The following ULK4 variants were observed in gnomAD, a reference collection of about 807,000 sequenced individuals.
ULK4 encodes the protein unc-51 like kinase 4, also known as inactive serine/threonine-protein kinase ULK4.
ULK4 carries 133 observed loss-of-function variants against 160.6 expected under a neutral mutation model. That is an observed-to-expected ratio of 0.83 (90% CI 0.72 to 0.96). The LOEUF (loss-of-function observed/expected upper bound fraction) is 0.96, where lower values mean the gene tolerates loss of function less well. Among genes scored for constraint, ULK4 ranks in the 40% least tolerant of loss-of-function variants. The probability of loss-of-function intolerance (pLI) is 0.00; values close to 1 mark genes in which losing one functional copy is unlikely to be tolerated. For missense variants in ULK4, 1,580 were observed against 1,499.5 expected, an observed-to-expected ratio of 1.05 and a Z score of -0.89; for synonymous variants, 534 against 539.8, an observed-to-expected ratio of 0.99 and a Z score of 0.15.
rs1197234650 is a variant in ULK4, at chr3:41,348,206, C to CAAAA, written c.3678+49869_3678+49872dup. On this transcript the variant is annotated intron_variant, in intron 35 of 36. Transcript: ENST00000301831. ...CCTAGGCAAAAAAGTAACTCTGTCT[C>CAAAA]AAAAAAAAAAAAAAAAAAAAAAAAA... Among the ~76,000 whole-genome samples, 7 of 22,964 alleles carry CAAAA rather than the reference C, an allele frequency of 3.0e-4. 1 individual carries two copies. Among genetic ancestry groups the CAAAA allele is most frequent in the East Asian group, 1.4e-3 (1 of 716 alleles). The allele number at this position is 22,964 out of a possible 152,430, so 15.1% of individuals were successfully genotyped here.
At chr3:41,913,113 T>G (rs752189625) in intron 8 of ULK4, 13 of 439,838 alleles carry the variant, frequency 3.0e-5, no homozygotes, top group Non-Finnish European at 4.8e-5. Flanking sequence ...TGGTACAGAA[T>G]GAAACAGTCT....
chr3:41,565,468 C>T (rs1414335193), intron 32 of ULK4, among the ~76,000 whole-genome samples: 1 of 152,112 alleles, frequency 6.6e-6, no homozygotes, highest in Admixed American at 6.5e-5. Context: ...GAGGTGAGAA[C>T]TCTGAGAAGT....
chr3:41,583,108 TG>T (rs1189975500), intron 31 of ULK4, among the ~76,000 whole-genome samples: 1 of 152,214 alleles, frequency 6.6e-6, no homozygotes, highest in East Asian at 1.9e-4. Context: ...TAGCTATTTT[TG>T]TTTTTTAATG....
intron 34 of ULK4, among the ~76,000 whole-genome samples, chr3:41,431,182 T>A (rs1329135464): frequency 6.6e-6 from 1 of 152,014 alleles, no homozygotes; most frequent in Non-Finnish European, 1.5e-5. Flanking sequence ...ACTTCGTCTC[T>A]ACTAAAAATA....
At chr3:41,445,229 C>G (rs1189416901) in intron 34 of ULK4, among the ~76,000 whole-genome samples, 1 of 152,090 alleles carries the variant, frequency 6.6e-6, no homozygotes, top group Non-Finnish European at 1.5e-5. Flanking sequence ...AAAAAGGATA[C>G]AAACAAATGG....
intron 8 of ULK4, among the ~76,000 whole-genome samples, chr3:41,913,739 G>C (rs1039092325): frequency 6.6e-6 from 1 of 152,108 alleles, no homozygotes; most frequent in African/African-American, 2.4e-5. Flanking sequence ...AAGGTGGGTA[G>C]ATTGCTTGAG....
At chr3:41,390,485 C>T (rs949780546) in intron 35 of ULK4, among the ~76,000 whole-genome samples, 4 of 152,110 alleles carry the variant, frequency 2.6e-5, no homozygotes, top group Non-Finnish European at 4.4e-5. Context: ...ATCTTTCCTG[C>T]TTTCTCTTAC....
intron 35 of ULK4, among the ~76,000 whole-genome samples, chr3:41,317,305 G>T (rs959273105): frequency 2.6e-5 from 4 of 152,030 alleles, no homozygotes; most frequent in African/African-American, 9.7e-5. Context: ...TCGATCTCCT[G>T]ACCTCATGAT....
chr3:41,400,284 T>A (rs1226412180), intron 34 of ULK4, among the ~76,000 whole-genome samples: 2 of 145,596 alleles, frequency 1.4e-5, no homozygotes, highest in Non-Finnish European at 3.1e-5. Flanking sequence ...ATGTGTAGAT[T>A]TGGTGACAAC....
chr3:41,478,767 C>G (rs1187460187), intron 32 of ULK4, among the ~76,000 whole-genome samples: 1 of 152,172 alleles, frequency 6.6e-6, no homozygotes, highest in Non-Finnish European at 1.5e-5. Context: ...TTAATTTAAG[C>G]AAATATGCCT....
chr3:41,939,153 A>G (rs1296124062), intron 2 of ULK4, among the ~76,000 whole-genome samples: 2 of 136,076 alleles, frequency 1.5e-5, no homozygotes, highest in Non-Finnish European at 3.2e-5. Context: ...AGACATGAGC[A>G]ATGATTACCC....
intron 31 of ULK4, among the ~76,000 whole-genome samples, chr3:41,577,401 A>G (rs1379783131): frequency 6.6e-6 from 1 of 152,240 alleles, no homozygotes; most frequent in Non-Finnish European, 1.5e-5. Context: ...ATGTTTTGAT[A>G]CAGGCATGTA....
chr3:41,950,199 A>G (rs1700243524), intron 2 of ULK4, among the ~76,000 whole-genome samples: 1 of 148,746 alleles, frequency 6.7e-6, no homozygotes, highest in Non-Finnish European at 1.5e-5. Context: ...CAATCCTCCC[A>G]CCTCACCTTC....
At chr3:41,594,794 G>A (rs2031576567) in intron 31 of ULK4, among the ~76,000 whole-genome samples, 1 of 152,200 alleles carries the variant, frequency 6.6e-6, no homozygotes, top group Non-Finnish European at 1.5e-5. Context: ...CAGCAGGGGA[G>A]ATGAAAGGAG....
intron 31 of ULK4, among the ~76,000 whole-genome samples, chr3:41,590,705 A>G (rs1165014796): frequency 6.6e-6 from 1 of 151,846 alleles, no homozygotes; most frequent in Non-Finnish European, 1.5e-5. Context: ...TTACCAACAA[A>G]TTAGACACAA....
At chr3:41,602,491 A>G (rs1004573086) in intron 31 of ULK4, among the ~76,000 whole-genome samples, 2 of 152,122 alleles carry the variant, frequency 1.3e-5, no homozygotes, top group African/African-American at 4.8e-5. Flanking sequence ...TAAAGTATTG[A>G]ATCCTTATTC....
At chr3:41,445,890 A>G (rs1367171168) in intron 34 of ULK4, among the ~76,000 whole-genome samples, 3 of 152,104 alleles carry the variant, frequency 2.0e-5, no homozygotes, top group African/African-American at 2.4e-5. Flanking sequence ...TCATTAAACT[A>G]AAGAGCTTCT....
chr3:41,663,925 A>G (rs771488517), intron 29 of ULK4, among the ~76,000 whole-genome samples: 2 of 152,224 alleles, frequency 1.3e-5, no homozygotes, highest in Admixed American at 6.5e-5. Flanking sequence ...ACAAAAGGAA[A>G]AACAACTCAG....
intron 2 of ULK4, among the ~76,000 whole-genome samples, chr3:41,948,297 A>G (rs1700175315): frequency 6.6e-6 from 1 of 152,108 alleles, no homozygotes; most frequent in Non-Finnish European, 1.5e-5. Context: ...CTAAAAATAC[A>G]AAGATTCACT....
Sources: gnomAD v4.1 joint callset for allele counts (sites outside exome capture counted in the v4.1 genomes callset) on GRCh38, gnomAD v4.1.1 for gene constraint, MANE v1.5 for transcripts, NCBI Gene and HGNC (gene_info 2026-07-23, HGNC 2026-07-21) for gene names.